Variants in EMG1 observed in about 807,000 individuals in gnomAD.
The protein encoded by EMG1 is ribosomal RNA small subunit methyltransferase NEP1.
Under a neutral mutation model 26.9 loss-of-function variants are expected in EMG1, and 24 were observed. That is an observed-to-expected ratio of 0.89 (90% confidence interval 0.65 to 1.26). EMG1 has a LOEUF of 1.26. Among genes scored for constraint, EMG1 ranks in the 50% most tolerant of loss-of-function variants. The probability of loss-of-function intolerance (pLI) is 0.00; values close to 1 mark genes in which losing one functional copy is unlikely to be tolerated. For missense variants in EMG1, 299 were observed against 307.6 expected (o/e 0.97, Z 0.21); for synonymous variants, 140 against 112.6 (o/e 1.24, Z -1.54).
rs782453517 is a variant in EMG1, at chr12:6,974,678, T to C, written c.397T>C (p.Phe133Leu). 1.2e-6 allele frequency: 2 copies of C among 1,613,874 alleles called. No homozygotes were observed. The highest frequency in any genetic ancestry group is 1.1e-5 in the South Asian group (1 of 91,056). Residue 133 changes from phenylalanine (F) to leucine (L), a missense_variant, in exon 3 of 6, where the codon TTT (phenylalanine) becomes CTT (leucine). Phe to Leu is a conservative substitution (Grantham distance 22). Coordinates refer to ENST00000599672, the MANE Select transcript of EMG1 (RefSeq NM_006331.8). The stretch of plus-strand genomic sequence containing the variant: ...CCGAATTCCCAGAACCTTTGACCGC[T>C]TTTGTGGCCTCATGGGTAAGAAGCC... ...QTRIPRTFDRFCGLMVQLLHK... is the reference protein window; with the variant it reads ...QTRIPRTFDRLCGLMVQLLHK...
chr12:6,972,010 A>G (rs782564654), intron 1 of EMG1, among the ~76,000 whole-genome samples: 45 of 152,050 alleles, frequency 3.0e-4, no homozygotes, highest in Non-Finnish European at 6.6e-4. Context: ...TAGGCCCAGA[A>G]GAAATCGCAT....
intron 2 of EMG1, 35 bp downstream of exon 2, chr12:6,974,475 CCT>C: frequency 6.2e-7 from 1 of 1,606,672 alleles, no homozygotes; most frequent in Admixed American, 1.7e-5. Flanking sequence ...ACCCTTTGAG[CCT>C]CTGTATGGAA....
At chr12:6,990,875 C>T (rs1946582875), downstream of EMG1, among the ~76,000 whole-genome samples, 1 of 145,690 alleles carries the variant, frequency 6.9e-6, no homozygotes, top group African/African-American at 2.6e-5. Context: ...TGAGATCACG[C>T]CACTGTGCTC....
chr12:6,974,634 T>C lies in EMG1; in HGVS notation c.353T>C (p.Ile118Thr), dbSNP rs782169969. The change falls in exon 3 of 6, where the codon ATT (isoleucine) becomes ACT (threonine). Residue 118 changes from isoleucine (I) to threonine (T), a missense_variant. Transcript: ENST00000599672. ...VYIHTQKNVL[I>T]EVNPQTRIPR... ...ATCCATACACAGAAGAATGTTCTGA[T>C]TGAAGTGAATCCCCAGACCCGAATT... is the stretch of plus-strand genomic sequence containing the variant. 11 of 1,613,972 alleles carry C rather than the reference T, an allele frequency of 6.8e-6. No individual in the cohort carries two copies. The highest frequency in any genetic ancestry group is 1.1e-5 in the South Asian group (1 of 91,082).
chr12:6,990,916 C>CAAAAA (rs59031613), downstream of EMG1, among the ~76,000 whole-genome samples: 4 of 68,146 alleles, frequency 5.9e-5, no homozygotes, highest in African/African-American at 7.6e-5. Flanking sequence ...GACTCCAAAT[C>CAAAAA]AAAAAAAAAA....
chr12:6,979,829 GT>G lies in EMG1; in HGVS notation c.*4023del. ...GCAGCAGACAGTGGACCAGTCTTGTGTTTACCCCTCAGGGATGCTACTGATC... is the reference window on the plus strand; with the variant it reads ...GCAGCAGACAGTGGACCAGTCTTGTGTTACCCCTCAGGGATGCTACTGATC... On this transcript the variant is annotated 3_prime_UTR_variant, in exon 6 of 6. Coordinates refer to ENST00000599672, the MANE Select transcript of EMG1 (RefSeq NM_006331.8). 2.0e-6 allele frequency: 1 copy of G among 512,302 alleles called. No homozygotes were observed. Among genetic ancestry groups the G allele is most frequent in the East Asian group, 3.3e-5 (1 of 29,976 alleles). The allele number at this position is 512,302 out of a possible 1,614,324, so 31.7% of individuals were successfully genotyped here.
chr12:6,975,367 G>T lies in EMG1; in HGVS notation c.610G>T (p.Ala204Ser). 6.3e-7 allele frequency: 1 copy of T among 1,599,568 alleles called. No individual in the cohort carries two copies. The highest frequency in any genetic ancestry group is 8.5e-7 in the Non-Finnish European group (1 of 1,172,404). The part of the protein sequence containing the change: ...DPIVFVVGAF[A>S]HGKVSVEYTE... The stretch of plus-strand genomic sequence containing the variant: ...TATTGTTTTTGTGGTAGGGGCCTTT[G>T]CCCATGGCAAGGTAAGGTCTGGGCT... The change falls in exon 5 of 6, where the codon GCC (alanine) becomes TCC (serine). Residue 204 changes from alanine (A) to serine (S), a missense_variant. Transcript: ENST00000599672.
downstream of EMG1, among the ~76,000 whole-genome samples, chr12:6,991,218 C>G (rs1172256037): frequency 6.6e-6 from 1 of 152,114 alleles, no homozygotes; most frequent in Non-Finnish European, 1.5e-5. Flanking sequence ...TTAAAATATA[C>G]AAAGAAAATC....
chr12:6,982,530 GCCACCTA>G (rs1591547385), downstream of EMG1: 6 of 625,848 alleles, frequency 9.6e-6, no homozygotes, highest in East Asian at 1.7e-4. Flanking sequence ...CCTGTGATAA[GCCACCTA>G]CCTGAAGTCA....
Position 6,974,374 on chromosome 12 carries a change from G to A in EMG1, c.204G>A (p.Lys68=), listed in dbSNP as rs781815012. 2.5e-6 allele frequency: 4 copies of A among 1,613,672 alleles called. No homozygotes were observed. The highest frequency in any genetic ancestry group is 3.4e-6 in the Non-Finnish European group (4 of 1,179,710). ...CATATGAGCTACTCAACTGTGACAA[G>A]CACAAGTCTATATTGTTGAAGAATG... ...GKTYELLNCD[K]HKSILLKNGR... is the part of the protein sequence containing the mutation. Residue 68 remains lysine, a synonymous_variant, in exon 2 of 6, where the codon AAG becomes AAA. Transcript: ENST00000599672.
downstream of EMG1, among the ~76,000 whole-genome samples, chr12:6,982,228 G>A (rs1410948763): frequency 6.6e-6 from 1 of 152,042 alleles, no homozygotes; most frequent in Non-Finnish European, 1.5e-5. Context: ...TTGTAGAGAT[G>A]GGGTTTCACC....
downstream of EMG1, among the ~76,000 whole-genome samples, chr12:6,984,241 A>C (rs1235257548): frequency 6.6e-6 from 1 of 152,264 alleles, no homozygotes; most frequent in Non-Finnish European, 1.5e-5. Flanking sequence ...TTCTAAAGCC[A>C]TGATTCAGAG....
chr12:6,975,391 C>T lies in EMG1; in HGVS notation c.621+13C>T. On this transcript the variant is annotated intron_variant, in intron 5 of 5. Transcript: ENST00000599672. ...TGCCCATGGCAAGGTAAGGTCTGGG[C>T]TCAACCCTGAAATTCTTGGTAGAGC... is the stretch of plus-strand genomic sequence containing the variant. 6.3e-7 allele frequency: 1 copy of T among 1,579,516 alleles called. No homozygotes were observed. Among genetic ancestry groups the T allele is most frequent in the African/African-American group, 1.4e-5 (1 of 73,986 alleles).
At chr12:6,983,360 G>A, downstream of EMG1, 1 of 1,001,754 alleles carries the variant, frequency 1.0e-6, no homozygotes, top group Non-Finnish European at 1.5e-6. Flanking sequence ...TTCTCTCAAG[G>A]AAATTTTGTT....
Position 6,979,106 on chromosome 12 carries a change from G to C in EMG1, c.*3297G>C. 1 of 302,054 alleles carries C rather than the reference G, an allele frequency of 3.3e-6. No individual in the cohort carries two copies. Among genetic ancestry groups the C allele is most frequent in the Admixed American group, 4.7e-5 (1 of 21,198 alleles). 18.7% of individuals were successfully genotyped at this position (302,054 alleles called of 1,614,324 possible). The stretch of plus-strand genomic sequence containing the variant: ...AGCCAGCACTTCCCCCCTTCCCTTG[G>C]TTTCTGAATTCCCTAGAAGTGCCCA... On this transcript the variant is annotated 3_prime_UTR_variant, in exon 6 of 6. Coordinates refer to ENST00000599672, the MANE Select transcript of EMG1 (RefSeq NM_006331.8).
chr12:6,981,505 C>T (rs1185206045), downstream of EMG1: 2 of 1,297,534 alleles, frequency 1.5e-6, no homozygotes, highest in African/African-American at 2.9e-5. Flanking sequence ...AGAGGCTCCG[C>T]TCTGGAATTT....
chr12:6,992,053 G>T (rs1946594453), downstream of EMG1, among the ~76,000 whole-genome samples: 1 of 151,944 alleles, frequency 6.6e-6, no homozygotes, highest in South Asian at 2.1e-4. Flanking sequence ...TTAGCTGGGT[G>T]TGGTGGTGCA....
At chr12:6,989,775 G>A (rs73264625), downstream of EMG1, among the ~76,000 whole-genome samples, 2,984 of 152,204 alleles carry the variant, frequency 0.02, 106 homozygotes, top group African/African-American at 0.069. Flanking sequence ...CATTGTTAGC[G>A]GGAACGTTTT....
Position 6,977,960 on chromosome 12 carries a change from T to C in EMG1, c.*2151T>C, listed in dbSNP as rs1946427398. The C allele has an allele frequency of 3.4e-6, 2 of 590,494 alleles. No homozygotes were observed. Among genetic ancestry groups the C allele is most frequent in the Non-Finnish European group, 6.0e-6 (2 of 336,060 alleles). 36.6% of individuals were successfully genotyped at this position (590,494 alleles called of 1,614,324 possible). A position where few individuals can be genotyped will look rare whatever the true frequency, so the allele number is the denominator to read the frequency against. On this transcript the variant is annotated 3_prime_UTR_variant, in exon 6 of 6. Transcript: ENST00000599672. The surrounding 1 kb of genome is among the most constrained non-coding windows in gnomAD (Gnocchi z 4.5). The stretch of plus-strand genomic sequence containing the variant: ...GGAGACCGTGTGCGCACGAGCCACT[T>C]GGTTCAGCAGCAGTGACTGAGGCTG...
Sources: allele counts gnomAD v4.1 joint callset (sites outside exome capture counted in the v4.1 genomes callset), GRCh38; gene constraint gnomAD v4.1.1; non-coding constraint Gnocchi (gnomAD v3.1); transcripts MANE v1.5; gene names NCBI Gene and HGNC (gene_info 2026-07-23, HGNC 2026-07-21).